The following POLRMT variants were observed in gnomAD, a reference collection of about 807,000 sequenced individuals.
The protein encoded by POLRMT is RNA polymerase mitochondrial, also known as DNA-directed RNA polymerase, mitochondrial.
Under a neutral mutation model 132.2 loss-of-function variants are expected in POLRMT, and 114 were observed. The ratio of observed to expected loss-of-function variants is 0.86; its 90% CI spans 0.74 to 1.01. POLRMT has a LOEUF of 1.01. Among genes scored for constraint, POLRMT ranks in the 50% least tolerant of loss-of-function variants. The probability of loss-of-function intolerance (pLI) is 0.00; values close to 1 mark genes in which losing one functional copy is unlikely to be tolerated. For missense variants in POLRMT, 2,003 were observed against 1,729.1 expected, an observed-to-expected ratio of 1.16 and a Z score of -2.81; for synonymous variants, 1,020 against 773.4, an observed-to-expected ratio of 1.32 and a Z score of -5.29.
rs1474201941 is a variant in POLRMT at position 622,872 on chromosome 19, G to A, written c.1404C>T (p.Tyr468=). Residue 468 remains tyrosine, a synonymous_variant, in exon 7 of 21, where the codon TAC becomes TAT. Transcript: ENST00000588649. ...REVYEGRFSL[Y]PFLCLLDERE... ...GCTCGTCCAGCAGGCACAGGAAGGG[G>A]TAAAGTGAGAACCGGCCCTCGTACA... The A allele has an allele frequency of 6.2e-7, 1 of 1,609,506 alleles. No homozygotes were observed. The highest frequency in any genetic ancestry group is 1.3e-5 in the African/African-American group (1 of 74,968).
chr19:623,659 C>T (rs1185949170), intron 5 of POLRMT, 56 bp from the exon 6 acceptor site: 10 of 1,588,064 alleles, frequency 6.3e-6, no homozygotes, highest in Non-Finnish European at 6.9e-6. Context: ...CCTGCCCTCC[C>T]AGGACCCCGA....
rs1984584864 is a variant in POLRMT at position 621,431 on chromosome 19, G to A, written c.2267C>T (p.Ala756Val). 3 of 1,465,804 alleles carry A rather than the reference G, an allele frequency of 2.0e-6. No homozygotes were observed. The highest frequency in any genetic ancestry group is 1.3e-5 in the South Asian group (1 of 77,064). 90.8% of individuals were successfully genotyped at this position (1,465,804 alleles called of 1,614,324 possible). A position where few individuals can be genotyped will look rare whatever the true frequency, so the allele number is the denominator to read the frequency against. Residue 756 changes from alanine (A) to valine (V), a missense_variant, in exon 10 of 21, where the codon GCC becomes GTC. Transcript: ENST00000588649. ...LPHSAAPARKAELRRELAHCQ... is the reference protein window; with the variant it reads ...LPHSAAPARKVELRRELAHCQ... Reference sequence around the variant, plus strand: ...GTGCGCCAGCTCACGGCGCAGCTCGGCCTTGCGGGCGGGCGCGGCGCTGTG... The same window carrying A: ...GTGCGCCAGCTCACGGCGCAGCTCGACCTTGCGGGCGGGCGCGGCGCTGTG...
At chr19:618,277 TCTCC>T (rs1159000703) in intron 17 of POLRMT, 8 of 566,420 alleles carry the variant, frequency 1.4e-5, no homozygotes, top group Middle Eastern at 9.3e-4. Context: ...CATGCTCGGC[TCTCC>T]CTGTCGGGCC....
At chr19:631,558 G>T (rs911171236) in intron 2 of POLRMT, among the ~76,000 whole-genome samples, 1 of 151,870 alleles carries the variant, frequency 6.6e-6, no homozygotes, top group Non-Finnish European at 1.5e-5. Context: ...AGAATTGCTT[G>T]AACTCGGGAG....
In POLRMT at chr19:621,519, G is replaced by A. The variant is rs1984598488; in HGVS notation, c.2179C>T (p.Pro727Ser). The change falls in exon 10 of 21, where the codon CCC becomes TCC. Residue 727 changes from proline to serine, a missense_variant. Physicochemically the swap from Pro to Ser is moderately conservative, Grantham distance 74 (BLOSUM62 -1). Transcript: ENST00000588649. ...VLQLFQAKGC[P>S]QLGVPAPPSE... ...GGCGGGGCCGGCACGCCTAGCTGGGGGCAGCCCTTGGCCTGGAAGAGCTGC... is the reference window on the plus strand; with the variant it reads ...GGCGGGGCCGGCACGCCTAGCTGGGAGCAGCCCTTGGCCTGGAAGAGCTGC... 7 of 1,391,040 alleles carry A rather than the reference G, an allele frequency of 5.0e-6. No homozygotes were observed. The highest frequency in any genetic ancestry group is 4.7e-5 in the South Asian group (3 of 63,442). 86.2% of individuals were successfully genotyped at this position (1,391,040 alleles called of 1,614,324 possible). A position where few individuals can be genotyped will look rare whatever the true frequency, so the allele number is the denominator to read the frequency against.
intron 17 of POLRMT, 125 bp from the exon 18 acceptor site, chr19:617,974 T>G: frequency 1.3e-6 from 1 of 783,894 alleles, no homozygotes; most frequent in Non-Finnish European, 2.1e-6. Context: ...CCTGCAGGCC[T>G]CGCCCCACCC....
At chr19:618,617 G>A (rs1413947918) in intron 16 of POLRMT, 31 bp from the exon 17 acceptor site, 3 of 1,597,724 alleles carry the variant, frequency 1.9e-6, no homozygotes, top group Non-Finnish European at 1.7e-6. Context: ...GGTGGGGGCG[G>A]CCCAGGGACA....
At position 618,488 on chromosome 19, in the gene POLRMT, C is replaced by T. The variant is rs1018699110; in HGVS notation, c.3422G>A (p.Arg1141Lys). 7.5e-6 allele frequency: 12 copies of T among 1,601,782 alleles called. No homozygotes were observed. The highest frequency in any genetic ancestry group is 1.0e-5 in the Non-Finnish European group (12 of 1,170,858). ...ACCCACGCCGTCCGGAGACGCCCAC[C>T]TGTAGCAGTGCAGGGCGGTGAGCAT... ...HMMLTALHCY[R>K]KGLTFVSVHD... The change falls in exon 17 of 21, where the codon AGG becomes AAG. Residue 1141 changes from arginine (R) to lysine (K), a missense_variant and splice_region_variant. By Grantham distance (26) the Arg-to-Lys change is conservative. Transcript: ENST00000588649.
intron 5 of POLRMT, among the ~76,000 whole-genome samples, chr19:623,917 C>T (rs893585937): frequency 2.1e-4 from 32 of 152,194 alleles, no homozygotes; most frequent in East Asian, 3.9e-4. Flanking sequence ...GCTGTTTTCT[C>T]CTCAAACTCA....
chr19:631,338 A>AAGGGG (rs764803872), intron 2 of POLRMT, among the ~76,000 whole-genome samples: 4 of 113,358 alleles, frequency 3.5e-5, no homozygotes, highest in Non-Finnish European at 5.4e-5. Context: ...AAAAAAAAAA[A>AAGGGG]GGGGGGGGGG....
intron 17 of POLRMT, 159 bp downstream of exon 17, chr19:618,329 C>T: frequency 1.6e-6 from 1 of 619,670 alleles, no homozygotes. Context: ...ACATTCGGGG[C>T]ACACAGCCTC....
rs1173737192 is a variant in POLRMT at position 633,465 on chromosome 19, G to C, written c.48C>G (p.Ala16=). 6.4e-7 allele frequency: 1 copy of C among 1,564,216 alleles called. No homozygotes were observed. Among genetic ancestry groups the C allele is most frequent in the South Asian group, 1.2e-5 (1 of 83,966 alleles). The change falls in exon 1 of 21, where the codon GCC becomes GCG. Residue 16 remains alanine (A), a synonymous_variant. Coordinates refer to ENST00000588649, the MANE Select transcript of POLRMT (RefSeq NM_005035.4). ...GTCCCGGGCGGCCGCAAGGCCGTAG[G>C]GCTCGTTTGAGCCCCGCCGCTCCGC... is the stretch of plus-strand genomic sequence containing the variant. ...WGRGAAGLKR[A]LRPCGRPGLP...
At chr19:623,988 G>C (rs749165638) in intron 5 of POLRMT, among the ~76,000 whole-genome samples, 9 of 152,234 alleles carry the variant, frequency 5.9e-5, no homozygotes, top group Non-Finnish European at 1.2e-4. Context: ...CTAAAGCCTA[G>C]CGCTTTGAGA....
In POLRMT at chr19:629,902, T is replaced by G. The variant is rs1258138842; in HGVS notation, c.460A>C (p.Lys154Gln). 1.9e-6 allele frequency: 3 copies of G among 1,613,234 alleles called. No individual in the cohort carries two copies. The highest frequency in any genetic ancestry group is 2.5e-6 in the Non-Finnish European group (3 of 1,179,920). The change falls in exon 3 of 21, where the codon AAG (lysine) becomes CAG (glutamine). Residue 154 changes from lysine to glutamine, a missense_variant. Coordinates refer to ENST00000588649, the MANE Select transcript of POLRMT (RefSeq NM_005035.4). The part of the protein sequence containing the change: ...LQMPFQSGEF[K>Q]ALTRRLQVEP... ...ACCTGCAGGCGCCTGGTCAGCGCCT[T>G]GAACTCCCCGCTCTGGAATGGCATC...
chr19:631,157 T>G, intron 2 of POLRMT, among the ~76,000 whole-genome samples: 1 of 147,274 alleles, frequency 6.8e-6, no homozygotes, highest in Non-Finnish European at 1.5e-5. Flanking sequence ...ATAATCCATC[T>G]AAAAAAAAAA....
chr19:619,457 C>A (rs1441059097), intron 13 of POLRMT, 129 bp downstream of exon 13: 1 of 1,407,760 alleles, frequency 7.1e-7, no homozygotes. Flanking sequence ...CGCCCAAGCC[C>A]TAACAGGCAG....
intron 2 of POLRMT, among the ~76,000 whole-genome samples, chr19:632,312 G>A (rs1338253233): frequency 6.6e-6 from 1 of 152,232 alleles, no homozygotes; most frequent in Non-Finnish European, 1.5e-5. Flanking sequence ...ATGTGGGACA[G>A]AAGCACCGGC....
rs556628616 is a variant in POLRMT at position 633,531 on chromosome 19, C to A, written c.-19G>T. ...CCGACATTACGCACGCCGCTCCAGG[C>A]CACCCCACCGGCCCGCGCCTGCGCA... On this transcript the variant is annotated 5_prime_UTR_variant, in exon 1 of 21. Transcript: ENST00000588649. 3.5e-5 allele frequency: 50 copies of A among 1,438,914 alleles called. 4 individuals carry two copies. The East Asian group carries it at 4.1e-4, about 12-fold the overall frequency. The allele number at this position is 1,438,914 out of a possible 1,614,324, so 89.1% of individuals were successfully genotyped here.
At position 622,365 on chromosome 19, in the gene POLRMT, C is replaced by G. The variant is rs2144627713; in HGVS notation, c.1635G>C (p.Glu545Asp). 6.5e-7 allele frequency: 1 copy of G among 1,549,708 alleles called. No individual in the cohort carries two copies. The highest frequency in any genetic ancestry group is 1.2e-5 in the South Asian group (1 of 84,624). The change falls in exon 9 of 21, where the codon GAG becomes GAC. Residue 545 changes from glutamate to aspartate, a missense_variant. Coordinates refer to ENST00000588649, the MANE Select transcript of POLRMT (RefSeq NM_005035.4). The part of the protein sequence containing the change: ...CLLASDAEVP[E>D]PCLPRQYWEE... ...CCCAGTACTGCCGCGGCAGGCAGGGCTCGGGCACCTGTAGGACAGGGCGGT... is the reference window on the plus strand; with the variant it reads ...CCCAGTACTGCCGCGGCAGGCAGGGGTCGGGCACCTGTAGGACAGGGCGGT...
Sources: allele counts gnomAD v4.1 joint callset (sites outside exome capture counted in the v4.1 genomes callset), GRCh38; gene constraint gnomAD v4.1.1; transcripts MANE v1.5; gene names NCBI Gene and HGNC (gene_info 2026-07-23, HGNC 2026-07-21).